SLC9A9: variants seen among roughly 807,000 people sequenced by gnomAD.
SLC9A9 encodes solute carrier family 9 member A9.
Under a neutral mutation model 77.8 loss-of-function variants are expected in SLC9A9, and 62 were observed. The ratio of observed to expected loss-of-function variants is 0.80; its 90% CI spans 0.65 to 0.98. The LOEUF (loss-of-function observed/expected upper bound fraction) is 0.98, where lower values mean the gene tolerates loss of function less well. Ranked by LOEUF, SLC9A9 falls within the 50% of genes least tolerant of loss-of-function variation. The pLI, the probability that SLC9A9 is intolerant of heterozygous loss-of-function variation, is 0.00. For synonymous variants in SLC9A9, 320 were observed against 283.5 expected (o/e 1.13, Z -1.29); for missense variants, 775 against 774.9 (o/e 1.00, Z 0.00).
chr3:143,364,807 T>C (rs1055392745), intron 13 of SLC9A9, among the ~76,000 whole-genome samples: 4 of 152,208 alleles, frequency 2.6e-5, no homozygotes, highest in African/African-American at 9.6e-5. Context: ...CCCAAACTTT[T>C]GTCTTTTTCA....
intron 4 of SLC9A9, among the ~76,000 whole-genome samples, chr3:143,791,494 T>C (rs2008222363): frequency 6.6e-6 from 1 of 152,208 alleles, no homozygotes; most frequent in Non-Finnish European, 1.5e-5. Context: ...CATGTTCTCA[T>C]ACACTTTGGA....
chr3:143,279,580 A>G (rs901191323), intron 14 of SLC9A9, among the ~76,000 whole-genome samples: 17 of 151,864 alleles, frequency 1.1e-4, no homozygotes, highest in African/African-American at 3.9e-4. Flanking sequence ...CCACCACTCA[A>G]CGGGCCCCAG....
chr3:143,588,488 C>G, intron 6 of SLC9A9, among the ~76,000 whole-genome samples: 1 of 152,192 alleles, frequency 6.6e-6, no homozygotes, highest in East Asian at 1.9e-4. Context: ...CTAAGTGGCT[C>G]TGGTCCATTA....
intron 14 of SLC9A9, among the ~76,000 whole-genome samples, chr3:143,348,982 G>A (rs150167553): frequency 2.2e-4 from 34 of 152,278 alleles, no homozygotes; most frequent in Middle Eastern, 3.4e-3. Context: ...GTGACTGCTG[G>A]GGTTCAACTG....
At chr3:143,323,504 T>C (rs773936895) in intron 14 of SLC9A9, among the ~76,000 whole-genome samples, 2 of 152,128 alleles carry the variant, frequency 1.3e-5, no homozygotes, top group Non-Finnish European at 2.9e-5. Flanking sequence ...ACTCATATAT[T>C]GGAGCTTAAA....
At chr3:143,689,586 T>G (rs1052518849) in intron 5 of SLC9A9, among the ~76,000 whole-genome samples, 1 of 152,036 alleles carries the variant, frequency 6.6e-6, no homozygotes, top group African/African-American at 2.4e-5. Context: ...TTATTTTTTA[T>G]TTTTGGAGAG....
chr3:143,499,571 A>G (rs1360765789), intron 9 of SLC9A9, among the ~76,000 whole-genome samples: 2 of 152,134 alleles, frequency 1.3e-5, no homozygotes, highest in Non-Finnish European at 2.9e-5. Flanking sequence ...TTGCTTTCAA[A>G]TAAGGATAGG....
At chr3:143,662,495 C>G (rs1268369) in intron 5 of SLC9A9, among the ~76,000 whole-genome samples, 1 of 152,130 alleles carries the variant, frequency 6.6e-6, no homozygotes, top group East Asian at 1.9e-4. Flanking sequence ...TGAAGCAGGG[C>G]GGGGCATCAC....
intron 4 of SLC9A9, among the ~76,000 whole-genome samples, chr3:143,741,858 C>T (rs181264396): frequency 6.6e-6 from 1 of 152,044 alleles, no homozygotes; most frequent in African/African-American, 2.4e-5. Flanking sequence ...TCCAAGCTGC[C>T]CTTGTTCATT....
intron 12 of SLC9A9, among the ~76,000 whole-genome samples, chr3:143,460,273 G>T (rs908548785): frequency 3.9e-5 from 6 of 152,102 alleles, no homozygotes; most frequent in Admixed American, 6.6e-5. Context: ...TAGAATCCTT[G>T]TATAACTGCT....
At chr3:143,531,529 A>T (rs964303300) in intron 9 of SLC9A9, among the ~76,000 whole-genome samples, 1 of 152,210 alleles carries the variant, frequency 6.6e-6, no homozygotes, top group Non-Finnish European at 1.5e-5. Flanking sequence ...AGTTTGTCTT[A>T]AAAACCTTTA....
intron 4 of SLC9A9, among the ~76,000 whole-genome samples, chr3:143,761,839 G>A (rs2007134478): frequency 6.6e-6 from 1 of 152,146 alleles, no homozygotes; most frequent in East Asian, 1.9e-4. Context: ...TCCCATTGCT[G>A]GGTATACACC....
chr3:143,554,744 G>A (rs1024197514), intron 8 of SLC9A9, among the ~76,000 whole-genome samples: 4 of 151,862 alleles, frequency 2.6e-5, no homozygotes, highest in South Asian at 2.1e-4. Context: ...ACTCCCCACC[G>A]CCTTACCTTT....
intron 4 of SLC9A9, among the ~76,000 whole-genome samples, chr3:143,730,225 G>A (rs373967179): frequency 4.4e-4 from 67 of 152,158 alleles, no homozygotes; most frequent in African/African-American, 1.4e-3. Flanking sequence ...GTATTTTGGG[G>A]ACTTTGGCAC....
At chr3:143,605,297 C>T (rs913385242) in intron 6 of SLC9A9, among the ~76,000 whole-genome samples, 3 of 152,118 alleles carry the variant, frequency 2.0e-5, no homozygotes, top group Admixed American at 6.5e-5. Flanking sequence ...TTTGATGGTA[C>T]ACTATAACTT....
intron 5 of SLC9A9, among the ~76,000 whole-genome samples, chr3:143,664,127 ATC>A (rs1399931081): frequency 1.3e-5 from 2 of 152,208 alleles, no homozygotes; most frequent in African/African-American, 4.8e-5. Flanking sequence ...CTAACAGCGG[ATC>A]TCTCTGCAGA....
chr3:143,628,286 A>G (rs1379516360), intron 6 of SLC9A9, among the ~76,000 whole-genome samples: 1 of 152,180 alleles, frequency 6.6e-6, no homozygotes, highest in Non-Finnish European at 1.5e-5. Context: ...CGTTAAGTTG[A>G]AGATGCATTT....
chr3:143,534,669 C>A (rs1300117436), intron 9 of SLC9A9, among the ~76,000 whole-genome samples: 5 of 152,152 alleles, frequency 3.3e-5, no homozygotes, highest in Non-Finnish European at 7.4e-5. Context: ...TACCTGCGCC[C>A]CATGTGCTGA....
intron 6 of SLC9A9, among the ~76,000 whole-genome samples, chr3:143,602,974 C>T (rs986302412): frequency 3.3e-5 from 5 of 152,188 alleles, no homozygotes; most frequent in African/African-American, 1.2e-4. Flanking sequence ...AGTCTATGCA[C>T]AGAAATCTGC....
Sources: allele counts gnomAD v4.1 joint callset (sites outside exome capture counted in the v4.1 genomes callset), GRCh38; gene constraint gnomAD v4.1.1; transcripts MANE v1.5; gene names NCBI Gene and HGNC (gene_info 2026-07-23, HGNC 2026-07-21).